CHD5: variants seen among roughly 807,000 people sequenced by gnomAD.
The protein encoded by CHD5 is chromodomain helicase DNA binding protein 5.
Under a neutral mutation model 230.3 loss-of-function variants are expected in CHD5, and 69 were observed. That is an observed-to-expected ratio of 0.30 (90% confidence interval 0.25 to 0.37). CHD5 has a LOEUF of 0.37. CHD5 is among the 10% of genes least tolerant of loss of function. The pLI, the probability that CHD5 is intolerant of heterozygous loss-of-function variation, is 1.00. For missense variants in CHD5, 1,827 were observed against 2,622.8 expected, an observed-to-expected ratio of 0.70 and a Z score of 6.63; for synonymous variants, 1,064 against 1,065.9, an observed-to-expected ratio of 1.00 and a Z score of 0.03.
At chr1:6,127,884 C>A (rs992315236) in intron 25 of CHD5, among the ~76,000 whole-genome samples, 162 bp downstream of exon 25, 2 of 151,494 alleles carry the variant, frequency 1.3e-5, no homozygotes, top group Non-Finnish European at 2.9e-5. Flanking sequence ...GAGTGCGGGG[C>A]ACAGCAGGGA....
chr1:6,122,201 G>A (rs1289785174), intron 31 of CHD5, among the ~76,000 whole-genome samples: 1 of 152,208 alleles, frequency 6.6e-6, no homozygotes, highest in Non-Finnish European at 1.5e-5. Flanking sequence ...ATCACCATGG[G>A]ATAGCTATGT....
chr1:6,125,117 C>T lies in CHD5; in HGVS notation c.4377G>A (p.Lys1459=), dbSNP rs1393535637. Residue 1459 remains lysine, a synonymous_variant, in exon 29 of 42, where the codon AAG becomes AAA. Coordinates refer to ENST00000262450, the MANE Select transcript of CHD5 (RefSeq NM_015557.3). The surrounding 1 kb of genome is among the most constrained non-coding windows in gnomAD (Gnocchi z 6.7). ...SHWLVRDLRG[K]SEKEFRAYVS... ...CCCTTTACCTAAACTCCTTCTCGCT[C>T]TTCCCTCGAAGGTCCCGCACCAGCC... The T allele has an allele frequency of 1.3e-6, 2 of 1,596,392 alleles. No individual in the cohort carries two copies. Among genetic ancestry groups the T allele is most frequent in the East Asian group, 4.5e-5 (2 of 44,272 alleles).
At position 6,128,006 on chromosome 1, in the gene CHD5, A is replaced by C; in HGVS notation, c.3903+40T>G. The C allele has an allele frequency of 2.3e-6, 3 of 1,322,340 alleles. No individual in the cohort carries two copies. The highest frequency in any genetic ancestry group is 3.0e-6 in the Non-Finnish European group (3 of 1,013,366). 81.9% of individuals were successfully genotyped at this position (1,322,340 alleles called of 1,614,324 possible). ...CAGTGGGGGGCGGGGCTGCGGATGG[A>C]GGGCGGGGCTGCGGATGGAGGGCGG... is the stretch of plus-strand genomic sequence containing the variant. On this transcript the variant is annotated intron_variant, in intron 25 of 41. Transcript: ENST00000262450. This position sits in a 1 kb window ranked among gnomAD's most constrained non-coding sequence, Gnocchi z 7.8.
rs373043914 is a variant in CHD5, at chr1:6,134,799, C to T, written c.2931G>A (p.Gly977=). 33 of 1,614,128 alleles carry T rather than the reference C, an allele frequency of 2.0e-5. No homozygotes were observed. In the African/African-American group the frequency reaches 2.9e-4, roughly 14 times the overall value. ...TGATGTTGAGCAGCGATACTTGGTT[C>T]CCGCCCCCCTTGGAGTTCAGTGCCT... The part of the protein sequence containing the change: ...NFEALNSKGG[G]NQVSLLNIMM... Residue 977 remains glycine (G), a synonymous_variant, in exon 19 of 42, where the codon GGG becomes GGA. Transcript: ENST00000262450. The surrounding 1 kb of genome is among the most constrained non-coding windows in gnomAD (Gnocchi z 6.3).
chr1:6,144,575 C>T (rs886526269), intron 11 of CHD5, among the ~76,000 whole-genome samples: 1 of 152,188 alleles, frequency 6.6e-6, no homozygotes, highest in Non-Finnish European at 1.5e-5. Context: ...GCAGTGCCCA[C>T]GTAGGGTGAG....
intron 33 of CHD5, among the ~76,000 whole-genome samples, chr1:6,117,029 A>G (rs1225267282): frequency 1.3e-5 from 2 of 152,356 alleles, no homozygotes; most frequent in Non-Finnish European, 2.9e-5. Context: ...ACTCAGGGGT[A>G]TACATGTTAA....
intron 33 of CHD5, among the ~76,000 whole-genome samples, chr1:6,115,804 C>T (rs1258840136): frequency 6.6e-6 from 1 of 152,184 alleles, no homozygotes; most frequent in Non-Finnish European, 1.5e-5. Flanking sequence ...CCCAGCTACA[C>T]CACGCCAGGC....
Position 6,142,493 on chromosome 1 carries a change from G to A in CHD5, c.2156C>T (p.Thr719Ile). Residue 719 changes from threonine to isoleucine, a missense_variant, in exon 14 of 42, where the codon ACT (threonine) becomes ATT (isoleucine). Thr to Ile is a moderately conservative substitution (Grantham distance 89, BLOSUM62 -1). Coordinates refer to ENST00000262450, the MANE Select transcript of CHD5 (RefSeq NM_015557.3). This position sits in a 1 kb window ranked among gnomAD's most constrained non-coding sequence, Gnocchi z 5.2. Reference protein sequence around the residue: ...NWLRFSWAQGTDTILADEMGL... With the variant: ...NWLRFSWAQGIDTILADEMGL... ...CATCTCATCGGCCAGGATGGTGTCA[G>A]TGCCCTGGGCCCAAGAGAAGCGCAG... 1 of 1,614,112 alleles carries A rather than the reference G, an allele frequency of 6.2e-7. No homozygotes were observed.
At chr1:6,136,333 C>T (rs1184393376) in intron 17 of CHD5, among the ~76,000 whole-genome samples, 184 bp downstream of exon 17, 3 of 152,220 alleles carry the variant, frequency 2.0e-5, no homozygotes, top group African/African-American at 7.2e-5. Flanking sequence ...CATGTGCCCA[C>T]GCCACCCACC....
chr1:6,122,372 A>C (rs916347411), intron 31 of CHD5, among the ~76,000 whole-genome samples: 4 of 152,268 alleles, frequency 2.6e-5, no homozygotes, highest in Non-Finnish European at 4.4e-5. Context: ...ACAAACAGCC[A>C]ATACGCACAC....
chr1:6,119,850 TTATA>T (rs139280601), intron 33 of CHD5, among the ~76,000 whole-genome samples: 133 of 134,574 alleles, frequency 9.9e-4, no homozygotes, highest in African/African-American at 3.6e-3. Flanking sequence ...TATGTGTGTA[TTATA>T]TATATATATA....
chr1:6,172,561 T>A (rs1319201721), intron 1 of CHD5, among the ~76,000 whole-genome samples: 1 of 150,648 alleles, frequency 6.6e-6, no homozygotes, highest in Non-Finnish European at 1.5e-5. Context: ...TTTACCTACA[T>A]CTCAGTCCTA....
rs776819372 is a variant in CHD5 at position 6,146,916 on chromosome 1, C to T, written c.1384-45G>A. The T allele has an allele frequency of 1.8e-5, 26 of 1,407,080 alleles. No homozygotes were observed. In the African/African-American group the frequency reaches 3.3e-4, roughly 18 times the overall value. 87.2% of individuals were successfully genotyped at this position (1,407,080 alleles called of 1,614,324 possible). ...CCCAAGGTGGGGCTCAGCTGCAGGG[C>T]CCCACCCTGAGGCTCCCATGACAGC... On this transcript the variant is annotated intron_variant, in intron 9 of 41. Coordinates refer to ENST00000262450, the MANE Select transcript of CHD5 (RefSeq NM_015557.3). The surrounding 1 kb of genome is among the most constrained non-coding windows in gnomAD (Gnocchi z 5.1).
intron 31 of CHD5, among the ~76,000 whole-genome samples, chr1:6,122,336 A>C (rs960363293): frequency 6.6e-6 from 1 of 152,254 alleles, no homozygotes; most frequent in Non-Finnish European, 1.5e-5. Flanking sequence ...TGTGCAAAGA[A>C]TCTGAAAAGA....
At chr1:6,173,067 T>G (rs1254866436) in intron 1 of CHD5, among the ~76,000 whole-genome samples, 1 of 150,872 alleles carries the variant, frequency 6.6e-6, no homozygotes, top group Non-Finnish European at 1.5e-5. Context: ...CCCCACTCAA[T>G]GTCCACCACT....
At chr1:6,161,382 T>G (rs551689089) in intron 2 of CHD5, among the ~76,000 whole-genome samples, 1 of 152,274 alleles carries the variant, frequency 6.6e-6, no homozygotes, top group South Asian at 2.1e-4. Flanking sequence ...GAAGCACCCC[T>G]TCCAACAGGC....
At chr1:6,171,956 T>C (rs928389226) in intron 1 of CHD5, among the ~76,000 whole-genome samples, 1 of 152,192 alleles carries the variant, frequency 6.6e-6, no homozygotes, top group African/African-American at 2.4e-5. Context: ...CCAAGCCTGC[T>C]CTAATTAAGA....
chr1:6,112,581 T>C (rs940812875), intron 34 of CHD5, among the ~76,000 whole-genome samples: 2 of 152,190 alleles, frequency 1.3e-5, no homozygotes, highest in African/African-American at 4.8e-5. Context: ...AGGGGGCTGA[T>C]CTGAGGACAA....
In CHD5 at chr1:6,103,379, C is replaced by G. The variant is rs529545046; in HGVS notation, c.*2095G>C. ...AGCAGAGAGGAAGGGACAGAGCAAG[C>G]CTGCCTGAGAGGAAGGCGCACAGGG... On this transcript the variant is annotated 3_prime_UTR_variant, in exon 42 of 42. Transcript: ENST00000262450. 1 of 152,798 alleles carries G rather than the reference C, an allele frequency of 6.5e-6. No homozygotes were observed. Among genetic ancestry groups the G allele is most frequent in the East Asian group, 1.9e-4 (1 of 5,184 alleles). The allele number at this position is 152,798 out of a possible 1,614,324, so 9.5% of individuals were successfully genotyped here.
Sources: allele counts gnomAD v4.1 joint callset (sites outside exome capture counted in the v4.1 genomes callset), GRCh38; gene constraint gnomAD v4.1.1; non-coding constraint Gnocchi (gnomAD v3.1); transcripts MANE v1.5; gene names NCBI Gene and HGNC (gene_info 2026-07-23, HGNC 2026-07-21).